ACBD5: variants seen among roughly 807,000 people sequenced by gnomAD.
The protein encoded by ACBD5 is acyl-CoA-binding domain-containing protein 5.
A neutral mutation model predicts 71.8 loss-of-function variants in ACBD5; 40 were observed. That is an observed-to-expected ratio of 0.56 (90% confidence interval 0.43 to 0.72). ACBD5 has a LOEUF of 0.72. ACBD5 is among the 30% of genes least tolerant of loss of function. ACBD5 has a pLI of 0.00. For missense variants in ACBD5, 559 were observed against 644.5 expected, an observed-to-expected ratio of 0.87 and a Z score of 1.44; for synonymous variants, 229 against 218.6, an observed-to-expected ratio of 1.05 and a Z score of -0.42.
At chr10:27,236,464 T>G (rs2064709177) in intron 2 of ACBD5, among the ~76,000 whole-genome samples, 1 of 152,194 alleles carries the variant, frequency 6.6e-6, no homozygotes, top group East Asian at 1.9e-4. Flanking sequence ...ACAAATTATT[T>G]TCCTTTTCAC....
At chr10:27,231,870 T>C (rs2063912227) in intron 3 of ACBD5, 50 bp from the exon 4 acceptor site, 1 of 1,523,508 alleles carries the variant, frequency 6.6e-7, no homozygotes, top group Non-Finnish European at 9.1e-7. Flanking sequence ...TGATTTTAAT[T>C]GCTCAGAATA....
intron 12 of ACBD5, among the ~76,000 whole-genome samples, chr10:27,198,409 C>T (rs1181735071): frequency 6.6e-6 from 1 of 152,214 alleles, no homozygotes; most frequent in Non-Finnish European, 1.5e-5. Flanking sequence ...CCCTCCCCAG[C>T]ACTCAAGATG....
At chr10:27,241,490 G>C (rs1213522273), upstream of ACBD5, among the ~76,000 whole-genome samples, 2 of 152,078 alleles carry the variant, frequency 1.3e-5, no homozygotes, top group African/African-American at 2.4e-5. Flanking sequence ...AACTGGGCTG[G>C]GACGGAGGGC....
At chr10:27,205,160 G>T in intron 11 of ACBD5, 38 bp downstream of exon 11, 1 of 1,587,924 alleles carries the variant, frequency 6.3e-7, no homozygotes, top group South Asian at 1.1e-5. Flanking sequence ...AAAAACATAT[G>T]AAACCCTGGC....
chr10:27,195,743 A>G lies in ACBD5; in HGVS notation c.*1687T>C, dbSNP rs1375513733. On this transcript the variant is annotated 3_prime_UTR_variant, in exon 13 of 13. Coordinates refer to ENST00000396271, the MANE Select transcript of ACBD5 (RefSeq NM_145698.5). Reference sequence around the variant, plus strand: ...GATTAAATAATTAAAGTTATTTGAAAGAAAAAAATAAGGAAAAAGAGTTTG... The same window carrying G: ...GATTAAATAATTAAAGTTATTTGAAGGAAAAAAATAAGGAAAAAGAGTTTG... 1.9e-5 allele frequency: 8 copies of G among 416,314 alleles called. No individual in the cohort carries two copies. The highest frequency in any genetic ancestry group is 3.2e-5 in the Non-Finnish European group (7 of 216,644). The allele number at this position is 416,314 out of a possible 1,614,324, so 25.8% of individuals were successfully genotyped here.
chr10:27,198,094 T>C (rs1312629471), intron 12 of ACBD5, among the ~76,000 whole-genome samples: 1 of 152,194 alleles, frequency 6.6e-6, no homozygotes, highest in Non-Finnish European at 1.5e-5. Flanking sequence ...GTAACAAAAC[T>C]GTAAGAGGAT....
chr10:27,221,419 T>C (rs1232631759), intron 5 of ACBD5, among the ~76,000 whole-genome samples: 2 of 152,210 alleles, frequency 1.3e-5, no homozygotes, highest in African/African-American at 4.8e-5. Flanking sequence ...AAAAAACTTC[T>C]GGTCTTCAAA....
chr10:27,235,764 G>A lies in ACBD5; in HGVS notation c.182-552C>T, dbSNP rs947966040. On this transcript the variant is annotated intron_variant, in intron 2 of 12. Transcript: ENST00000396271. The stretch of plus-strand genomic sequence containing the variant: ...TCTGTAATTTTGGAGACATCAATTT[G>A]AGGATAATTCTTCATATATGTTTCT... Among the ~76,000 whole-genome samples the A allele has an allele frequency of 2.6e-5, 4 of 152,250 alleles. No individual in the cohort carries two copies. In the East Asian group the frequency reaches 7.7e-4, roughly 29 times the overall value.
chr10:27,193,475 T>C (rs914360869), downstream of ACBD5: 1 of 151,928 alleles, frequency 6.6e-6, no homozygotes, highest in Admixed American at 6.6e-5. Flanking sequence ...CTACCCTTGA[T>C]CTTAGCCAAA....
downstream of ACBD5, among the ~76,000 whole-genome samples, chr10:27,193,923 T>C (rs1006534511): frequency 1.3e-5 from 2 of 152,136 alleles, no homozygotes; most frequent in African/African-American, 4.8e-5. Context: ...CTTTTATTAC[T>C]CTGTAGAAGT....
intron 12 of ACBD5, among the ~76,000 whole-genome samples, chr10:27,200,748 C>T (rs1490572896): frequency 2.0e-5 from 3 of 152,114 alleles, no homozygotes; most frequent in African/African-American, 7.2e-5. Flanking sequence ...CGTGAGCCAC[C>T]GCGTCCGGCC....
intron 4 of ACBD5, among the ~76,000 whole-genome samples, chr10:27,224,219 AT>A (rs1048670100): frequency 1.0e-4 from 15 of 146,652 alleles, no homozygotes; most frequent in African/African-American, 3.5e-4. Context: ...AAAAAAAAAA[AT>A]TGTCTAATTA....
At position 27,195,926 on chromosome 10, in the gene ACBD5, G is replaced by A. The variant is rs1452002648; in HGVS notation, c.*1504C>T. On this transcript the variant is annotated 3_prime_UTR_variant, in exon 13 of 13. Coordinates refer to ENST00000396271, the MANE Select transcript of ACBD5 (RefSeq NM_145698.5). ...CTTAAAAATTATTTGCTACAGGCCAGGTGCAGTGGCTCACGCCTCTAATCC... is the reference window on the plus strand; with the variant it reads ...CTTAAAAATTATTTGCTACAGGCCAAGTGCAGTGGCTCACGCCTCTAATCC... The A allele has an allele frequency of 1.1e-5, 5 of 452,548 alleles. No homozygotes were observed. The highest frequency in any genetic ancestry group is 1.8e-5 in the Non-Finnish European group (4 of 226,406). The allele number at this position is 452,548 out of a possible 1,614,324, so 28.0% of individuals were successfully genotyped here.
intron 6 of ACBD5, among the ~76,000 whole-genome samples, chr10:27,219,068 G>A (rs10829211): frequency 0.71 from 107,637 of 151,978 alleles, 38,249 homozygotes; most frequent in Admixed American, 0.72. Context: ...TTGGGAGGCC[G>A]AGGTGAGCAG....
rs748345249 is a variant in ACBD5, at chr10:27,197,405, C to A, written c.*25G>T. ...TCTGAGGTCATCCAGTTCCAGTAGTCTTCTTGAGGAAAACACCATTTTCCT... is the reference window on the plus strand; with the variant it reads ...TCTGAGGTCATCCAGTTCCAGTAGTATTCTTGAGGAAAACACCATTTTCCT... On this transcript the variant is annotated 3_prime_UTR_variant, in exon 13 of 13. Coordinates refer to ENST00000396271, the MANE Select transcript of ACBD5 (RefSeq NM_145698.5). The A allele has an allele frequency of 3.7e-6, 6 of 1,609,298 alleles. No individual in the cohort carries two copies. The African/African-American group carries it at 8.0e-5, about 22-fold the overall frequency.
chr10:27,185,136 G>A (rs2058602206), intron 13 of ACBD5, among the ~76,000 whole-genome samples: 1 of 152,184 alleles, frequency 6.6e-6, no homozygotes. Context: ...GGAGCACAGG[G>A]AAGAAAGGGA....
intron 10 of ACBD5, among the ~76,000 whole-genome samples, chr10:27,207,738 C>T (rs181268874): frequency 3.2e-4 from 48 of 151,948 alleles, no homozygotes; most frequent in African/African-American, 1.0e-3. Flanking sequence ...TACTTACTTA[C>T]TTATTTATTT....
chr10:27,191,630 G>T (rs7099019), downstream of ACBD5, among the ~76,000 whole-genome samples: 103,807 of 152,048 alleles, frequency 0.68, 35,585 homozygotes, highest in Non-Finnish European at 0.7. Context: ...ACGCCTGTAA[G>T]CCTAACACTT....
intron 12 of ACBD5, among the ~76,000 whole-genome samples, chr10:27,200,164 G>A (rs533381132): frequency 1.3e-5 from 2 of 152,124 alleles, no homozygotes; most frequent in East Asian, 3.9e-4. Context: ...ATAGGAGGTC[G>A]GCACAAGATA....
Sources: gnomAD v4.1 joint callset for allele counts (sites outside exome capture counted in the v4.1 genomes callset) on GRCh38, gnomAD v4.1.1 for gene constraint, MANE v1.5 for transcripts, NCBI Gene and HGNC (gene_info 2026-07-23, HGNC 2026-07-21) for gene names.